Variants in PAX8 observed in about 807,000 individuals in gnomAD.
PAX8 encodes the protein paired box protein Pax-8.
Under a neutral mutation model 52.4 loss-of-function variants are expected in PAX8, and 15 were observed. The ratio of observed to expected loss-of-function variants is 0.29; its 90% CI spans 0.19 to 0.44. The LOEUF (loss-of-function observed/expected upper bound fraction) is 0.44. Among genes scored for constraint, PAX8 ranks in the 20% least tolerant of loss-of-function variants. The pLI is 1.00. For synonymous variants in PAX8, 284 were observed against 249.7 expected (o/e 1.14, Z -1.29); for missense variants, 554 against 602.5 (o/e 0.92, Z 0.84).
At chr2:113,257,261 C>T (rs1692330675) in intron 2 of PAX8, among the ~76,000 whole-genome samples, 1 of 152,082 alleles carries the variant, frequency 6.6e-6, no homozygotes, top group East Asian at 1.9e-4. Context: ...CCTTCTTTCC[C>T]CTTCTAGTGC....
At position 113,220,359 on chromosome 2, in the gene PAX8, C is replaced by T. The variant is rs4849176; in HGVS notation, c.1190-181G>A. 277,680 of 596,110 alleles carry T rather than the reference C, an allele frequency of 0.47. 67,388 individuals are homozygous for T. Among genetic ancestry groups the T allele is most frequent in the East Asian group, 0.65 (23,223 of 35,658 alleles). The allele number at this position is 596,110 out of a possible 1,614,324, so 36.9% of individuals were successfully genotyped here. A position where few individuals can be genotyped will look rare whatever the true frequency, so the allele number is the denominator to read the frequency against. Reference sequence around the variant, plus strand: ...CTCTGTCATCCCTTTTGGAACCCATCGATCTGGAAAATTTGGGGCAGTGTC... The same window carrying T: ...CTCTGTCATCCCTTTTGGAACCCATTGATCTGGAAAATTTGGGGCAGTGTC... On this transcript the variant is annotated intron_variant, in intron 10 of 11. Transcript: ENST00000429538.
At chr2:113,258,384 T>C (rs1394931099) in intron 2 of PAX8, among the ~76,000 whole-genome samples, 6 of 152,142 alleles carry the variant, frequency 3.9e-5, no homozygotes, top group Non-Finnish European at 7.3e-5. Flanking sequence ...CTTTCTTTTA[T>C]TTCCCTCCTG....
rs1689021863 is a variant in PAX8 at position 113,216,145 on chromosome 2, T to C, written c.*2388A>G. The C allele has an allele frequency of 4.4e-6, 1 of 229,066 alleles. No individual in the cohort carries two copies. The highest frequency in any genetic ancestry group is 8.7e-6 in the Non-Finnish European group (1 of 115,384). The allele number at this position is 229,066 out of a possible 1,614,324, so 14.2% of individuals were successfully genotyped here. On this transcript the variant is annotated 3_prime_UTR_variant, in exon 12 of 12. Coordinates refer to ENST00000429538, the MANE Select transcript of PAX8 (RefSeq NM_003466.4). The stretch of plus-strand genomic sequence containing the variant: ...CCTTGGGATGCTGTGCTCAAAGTGA[T>C]TCTTGGGTAGGGAGCCCTCGGGATC...
In PAX8 at chr2:113,235,550, T is replaced by C. The variant is rs759244760; in HGVS notation, c.931A>G (p.Thr311Ala). The C allele has an allele frequency of 3.1e-6, 5 of 1,612,672 alleles. No homozygotes were observed. Among genetic ancestry groups the C allele is most frequent in the Non-Finnish European group, 4.2e-6 (5 of 1,179,292 alleles). Residue 311 changes from threonine to alanine, a missense_variant, in exon 9 of 12, where the codon ACC becomes GCC. Thr to Ala is a moderately conservative substitution (Grantham distance 58). Around this residue, in one of 2 missense-constraint regions of PAX8, gnomAD observed 445 missense variants for 409.9 expected, o/e 1.09. Coordinates refer to ENST00000429538, the MANE Select transcript of PAX8 (RefSeq NM_003466.4). ...PHSPFAIKQE[T>A]PEVSSSSSTP... Reference sequence around the variant, plus strand: ...GAGCTAGAACTGGACACCTCGGGGGTTTCCTGCTTTATGGCGAAGGGTGAG... The same window carrying C: ...GAGCTAGAACTGGACACCTCGGGGGCTTCCTGCTTTATGGCGAAGGGTGAG...
At chr2:113,241,418 G>C (rs1238660055) in intron 7 of PAX8, 133 bp downstream of exon 7, 1 of 830,894 alleles carries the variant, frequency 1.2e-6, no homozygotes, top group South Asian at 1.4e-5. Context: ...CAGGCTTGGA[G>C]TTGCATAAGG....
At chr2:113,257,734 T>C (rs1477600466) in intron 2 of PAX8, among the ~76,000 whole-genome samples, 1 of 152,110 alleles carries the variant, frequency 6.6e-6, no homozygotes. Context: ...AAGAGCTATC[T>C]TTAGTACCCA....
At chr2:113,226,600 C>T in intron 10 of PAX8, 1 of 1,053,424 alleles carries the variant, frequency 9.5e-7, no homozygotes, top group South Asian at 3.4e-5. Flanking sequence ...GTACCTAGAA[C>T]CCGGGTCCTA....
chr2:113,229,594 C>T (rs1454411534), intron 9 of PAX8, among the ~76,000 whole-genome samples: 2 of 152,170 alleles, frequency 1.3e-5, no homozygotes, highest in African/African-American at 2.4e-5. Context: ...TTCAGTTTAC[C>T]TGACACAAGG....
At chr2:113,243,902 G>A (rs989878103) in intron 4 of PAX8, among the ~76,000 whole-genome samples, 2 of 152,202 alleles carry the variant, frequency 1.3e-5, no homozygotes, top group African/African-American at 4.8e-5. Flanking sequence ...TTTGTAGGTA[G>A]TTGATTAATA....
intron 7 of PAX8, chr2:113,237,345 T>G (rs943382392): frequency 2.0e-5 from 3 of 152,154 alleles, no homozygotes; most frequent in Non-Finnish European, 4.4e-5. Flanking sequence ...TGAGTAATAT[T>G]ATGTCTGTGT....
intron 2 of PAX8, among the ~76,000 whole-genome samples, chr2:113,247,467 A>G (rs1365914686): frequency 2.0e-5 from 3 of 152,246 alleles, no homozygotes; most frequent in Non-Finnish European, 4.4e-5. Context: ...TTGGGCAGAG[A>G]AGGCCTGAGC....
chr2:113,224,839 TATAAAATAAAATAAAATAAA>T (rs56177103), intron 10 of PAX8, among the ~76,000 whole-genome samples: 6,098 of 143,602 alleles, frequency 0.042, 201 homozygotes, highest in South Asian at 0.14. Flanking sequence ...TAAAATAAAA[TATAAAATAAAATAAAATAAA>T]ATAAAATAAA....
At chr2:113,222,305 G>A (rs992142946) in intron 10 of PAX8, among the ~76,000 whole-genome samples, 2 of 152,194 alleles carry the variant, frequency 1.3e-5, no homozygotes, top group Non-Finnish European at 2.9e-5. Flanking sequence ...AGCTCTAGAG[G>A]ACAAGGGAGA....
intron 5 of PAX8, among the ~76,000 whole-genome samples, chr2:113,242,431 G>A (rs1690939036): frequency 6.6e-6 from 1 of 152,116 alleles, no homozygotes; most frequent in Non-Finnish European, 1.5e-5. Context: ...TCCTCCAGGG[G>A]GCCTCCTGGT....
At chr2:113,254,620 G>A (rs1692052809) in intron 2 of PAX8, among the ~76,000 whole-genome samples, 1 of 152,104 alleles carries the variant, frequency 6.6e-6, no homozygotes, top group Non-Finnish European at 1.5e-5. Context: ...GCAAGGCATG[G>A]CATCATTTTC....
intron 2 of PAX8, chr2:113,273,696 G>A (rs1693619244): frequency 6.6e-6 from 1 of 151,964 alleles, no homozygotes. Context: ...AATTCATTGA[G>A]GCATATCTTC....
intron 8 of PAX8, 179 bp from the exon 9 acceptor site, chr2:113,235,761 G>A: frequency 1.7e-6 from 1 of 585,866 alleles, no homozygotes; most frequent in Non-Finnish European, 3.0e-6. Flanking sequence ...CGGGGAGAGA[G>A]AAGCTAGACC....
chr2:113,278,275 C>T lies in PAX8; in HGVS notation c.25+95G>A, dbSNP rs996199502. On this transcript the variant is annotated intron_variant, in intron 2 of 11. Coordinates refer to ENST00000429538, the MANE Select transcript of PAX8 (RefSeq NM_003466.4). ...CCCACGCGGGTGGGTCCCGCGAATC[C>T]CGTGCTGACGCTCTCGAGATCCAAC... 8.6e-6 allele frequency: 9 copies of T among 1,051,600 alleles called. No homozygotes were observed. In the African/African-American group the frequency reaches 1.3e-4, roughly 15 times the overall value. The allele number at this position is 1,051,600 out of a possible 1,614,324, so 65.1% of individuals were successfully genotyped here.
At chr2:113,272,152 G>A (rs1045311790) in intron 2 of PAX8, 5 of 152,022 alleles carry the variant, frequency 3.3e-5, no homozygotes, top group Non-Finnish European at 7.4e-5. Flanking sequence ...AGTATCCTTC[G>A]GGGACTCTTG....
Sources: gnomAD v4.1 joint callset for allele counts (sites outside exome capture counted in the v4.1 genomes callset) on GRCh38, gnomAD v4.1.1 for gene constraint, gnomAD v4.1.1 regional missense constraint, MANE v1.5 for transcripts, NCBI Gene and HGNC (gene_info 2026-07-23, HGNC 2026-07-21) for gene names.